ADCY2: variants seen among roughly 807,000 people sequenced by gnomAD.
ADCY2 encodes adenylate cyclase type 2.
Under a neutral mutation model 125.2 loss-of-function variants are expected in ADCY2, and 31 were observed. The ratio of observed to expected loss-of-function variants is 0.25; its 90% CI spans 0.19 to 0.33. The LOEUF (loss-of-function observed/expected upper bound fraction) is 0.33, where lower values mean the gene tolerates loss of function less well. Ranked by LOEUF, ADCY2 falls within the 10% of genes least tolerant of loss-of-function variation. The probability of loss-of-function intolerance (pLI) is 1.00; values close to 1 mark genes in which losing one functional copy is unlikely to be tolerated. For missense variants in ADCY2, 904 were observed against 1,418.2 expected, an observed-to-expected ratio of 0.64 and a Z score of 5.82; for synonymous variants, 512 against 548.4, an observed-to-expected ratio of 0.93 and a Z score of 0.93.
At chr5:7,403,645 A>G (rs1271099705) in intron 1 of ADCY2, among the ~76,000 whole-genome samples, 1 of 152,190 alleles carries the variant, frequency 6.6e-6, no homozygotes, top group Non-Finnish European at 1.5e-5. Context: ...CTCTATCCTC[A>G]AATGTAAACT....
intron 3 of ADCY2, among the ~76,000 whole-genome samples, chr5:7,616,891 A>G (rs1034363452): frequency 1.3e-5 from 2 of 152,148 alleles, no homozygotes; most frequent in Non-Finnish European, 2.9e-5. Flanking sequence ...TGTCTCTATA[A>G]GAAGAGGAGA....
At chr5:7,780,791 T>C (rs1417757860) in intron 18 of ADCY2, among the ~76,000 whole-genome samples, 5 of 149,824 alleles carry the variant, frequency 3.3e-5, no homozygotes, top group Non-Finnish European at 7.5e-5. Flanking sequence ...TGTCCTTTTT[T>C]ACTCCATCTG....
chr5:7,603,046 A>G (rs1737268004), intron 3 of ADCY2, among the ~76,000 whole-genome samples: 1 of 152,160 alleles, frequency 6.6e-6, no homozygotes, highest in African/African-American at 2.4e-5. Flanking sequence ...CTGCAGATCC[A>G]GCCATTTCAT....
intron 2 of ADCY2, among the ~76,000 whole-genome samples, chr5:7,490,689 A>G (rs776003431): frequency 1.3e-5 from 2 of 152,112 alleles, no homozygotes; most frequent in Non-Finnish European, 2.9e-5. Flanking sequence ...ATGCACACAC[A>G]CACAGGCACA....
chr5:7,441,734 A>T (rs1184542873), intron 2 of ADCY2, among the ~76,000 whole-genome samples: 1 of 152,192 alleles, frequency 6.6e-6, no homozygotes, highest in Non-Finnish European at 1.5e-5. Context: ...GTTGCTCTGA[A>T]GGAATTTTGT....
At chr5:7,793,923 A>T (rs998433980) in intron 20 of ADCY2, 1 of 152,202 alleles carries the variant, frequency 6.6e-6, no homozygotes, top group Admixed American at 6.5e-5. Flanking sequence ...ACAGCCCTAT[A>T]GGAGAATGAA....
At chr5:7,460,460 T>A (rs920962541) in intron 2 of ADCY2, among the ~76,000 whole-genome samples, 2 of 152,180 alleles carry the variant, frequency 1.3e-5, no homozygotes, top group African/African-American at 4.8e-5. Flanking sequence ...TAGTTGTTTT[T>A]AAAATTTTTT....
At chr5:7,783,852 C>A (rs962988881) in intron 18 of ADCY2, among the ~76,000 whole-genome samples, 3 of 152,134 alleles carry the variant, frequency 2.0e-5, no homozygotes, top group African/African-American at 4.8e-5. Context: ...CCAAAATTTT[C>A]ATCTCTGTTA....
At chr5:7,457,375 G>T (rs1189692807) in intron 2 of ADCY2, among the ~76,000 whole-genome samples, 1 of 152,142 alleles carries the variant, frequency 6.6e-6, no homozygotes, top group African/African-American at 2.4e-5. Context: ...GTGCTGGAGA[G>T]CTCAGGGTGC....
chr5:7,557,435 T>G (rs527573750), intron 3 of ADCY2, among the ~76,000 whole-genome samples: 1 of 152,202 alleles, frequency 6.6e-6, no homozygotes, highest in East Asian at 1.9e-4. Flanking sequence ...GGTAAACTTG[T>G]GTCCTGGGGT....
chr5:7,583,274 T>C (rs959789402), intron 3 of ADCY2, among the ~76,000 whole-genome samples: 1 of 152,100 alleles, frequency 6.6e-6, no homozygotes, highest in Non-Finnish European at 1.5e-5. Flanking sequence ...CTCAAGATTA[T>C]TGTACATAGT....
intron 3 of ADCY2, among the ~76,000 whole-genome samples, chr5:7,588,386 A>G (rs1446656760): frequency 6.6e-6 from 1 of 152,230 alleles, no homozygotes; most frequent in African/African-American, 2.4e-5. Context: ...TGGTAAAAAT[A>G]TGAATCAACA....
At chr5:7,507,282 A>T (rs904233307) in intron 2 of ADCY2, among the ~76,000 whole-genome samples, 3 of 145,694 alleles carry the variant, frequency 2.1e-5, no homozygotes, top group Middle Eastern at 3.4e-3. Flanking sequence ...TCTACTAAAA[A>T]TACAAAAAAT....
intron 2 of ADCY2, among the ~76,000 whole-genome samples, chr5:7,510,283 A>G (rs1030498933): frequency 3.9e-5 from 6 of 152,228 alleles, no homozygotes; most frequent in Non-Finnish European, 7.3e-5. Context: ...GTCAACGTTT[A>G]TTTAGCGCCA....
At chr5:7,546,499 C>G (rs944447183) in intron 3 of ADCY2, among the ~76,000 whole-genome samples, 7 of 152,290 alleles carry the variant, frequency 4.6e-5, no homozygotes, top group Admixed American at 6.5e-5. Context: ...AGTGGCAGAG[C>G]TGGATTCGGG....
chr5:7,486,702 A>G (rs1742945347), intron 2 of ADCY2, among the ~76,000 whole-genome samples: 1 of 152,060 alleles, frequency 6.6e-6, no homozygotes, highest in Non-Finnish European at 1.5e-5. Context: ...CTGACATTTT[A>G]CAAAGAGAAA....
chr5:7,481,541 A>T (rs1248801947), intron 2 of ADCY2, among the ~76,000 whole-genome samples: 1 of 152,164 alleles, frequency 6.6e-6, no homozygotes, highest in East Asian at 1.9e-4. Flanking sequence ...TGCTGGGATT[A>T]CAGGCGTGAG....
In ADCY2 at chr5:7,787,551, G is replaced by A. The variant is rs1195005329; in HGVS notation, c.2470-2091G>A. On this transcript the variant is annotated intron_variant, in intron 19 of 24. Coordinates refer to ENST00000338316, the MANE Select transcript of ADCY2 (RefSeq NM_020546.3). ...GGGGATTTTTTAAGTCTTTTTTGAG[G>A]GGGCCTTTCATACAAGCTGCTAATG... Among the ~76,000 whole-genome samples, 3 of 152,124 alleles carry A rather than the reference G, an allele frequency of 2.0e-5. No individual in the cohort carries two copies. In the East Asian group the frequency reaches 5.8e-4, roughly 29 times the overall value.
intron 15 of ADCY2, among the ~76,000 whole-genome samples, chr5:7,748,519 A>ACACAC (rs1553984347): frequency 1.1e-5 from 1 of 90,212 alleles, no homozygotes. Flanking sequence ...CCCACCCTCC[A>ACACAC]ACACACACAC....
Sources: allele counts gnomAD v4.1 joint callset (sites outside exome capture counted in the v4.1 genomes callset), GRCh38; gene constraint gnomAD v4.1.1; transcripts MANE v1.5; gene names NCBI Gene and HGNC (gene_info 2026-07-23, HGNC 2026-07-21).